The following CD1B variants were observed in gnomAD, a reference collection of about 807,000 sequenced individuals.
CD1B encodes T-cell surface glycoprotein CD1b.
In CD1B, 43 loss-of-function variants were observed where a neutral mutation model predicts 39.8. The ratio of observed to expected loss-of-function variants is 1.08; its 90% CI spans 0.85 to 1.39. The LOEUF is 1.39. CD1B is among the 40% of genes most tolerant of loss of function. CD1B has a pLI of 0.00. For missense variants in CD1B, 495 were observed against 403.8 expected (o/e 1.23, Z -1.94); for synonymous variants, 192 against 152.5 (o/e 1.26, Z -1.91).
the CD1B span, among the ~76,000 whole-genome samples, chr1:158,288,699 C>G: frequency 6.6e-6 from 1 of 152,208 alleles, no homozygotes; most frequent in Non-Finnish European, 1.5e-5. Context: ...AGCACAAATT[C>G]ATGCCCAGAT....
the CD1B span, among the ~76,000 whole-genome samples, chr1:158,300,215 CT>C: frequency 6.6e-5 from 10 of 152,284 alleles, no homozygotes; most frequent in Non-Finnish European, 1.0e-4. Flanking sequence ...CCTAGAGCAT[CT>C]TTATTTCTGC....
Position 158,330,982 on chromosome 1 carries a change from C to T in CD1B, c.142G>A (p.Gly48Ser). ...NSTWAQTQGS[G>S]WLDDLQIHGW... ...TGAATCTGCAAATCATCCAACCAGC[C>T]TGAGCCTTGAGTTTGTGCCCAGGTA... is the stretch of plus-strand genomic sequence containing the variant. Residue 48 changes from glycine to serine, a missense_variant, in exon 2 of 6, where the codon GGC becomes AGC. Physicochemically the swap from Gly to Ser is moderately conservative, Grantham distance 56. Coordinates refer to ENST00000368168, the MANE Select transcript of CD1B (RefSeq NM_001764.3). 1 of 1,614,130 alleles carries T rather than the reference C, an allele frequency of 6.2e-7. No homozygotes were observed. Among genetic ancestry groups the T allele is most frequent in the Non-Finnish European group, 8.5e-7 (1 of 1,180,004 alleles).
chr1:158,310,405 C>G, the CD1B span, among the ~76,000 whole-genome samples: 925 of 152,092 alleles, frequency 6.1e-3, 9 homozygotes, highest in African/African-American at 0.022. Flanking sequence ...GGACATAGGC[C>G]CTGGCAAGGA....
chr1:158,313,137 G>A, the CD1B span, among the ~76,000 whole-genome samples: 3 of 152,060 alleles, frequency 2.0e-5, no homozygotes, highest in Non-Finnish European at 4.4e-5. Context: ...CTATTAATGT[G>A]ATGCAGTACA....
chr1:158,298,029 C>T, the CD1B span, among the ~76,000 whole-genome samples: 1 of 150,944 alleles, frequency 6.6e-6, no homozygotes, highest in Non-Finnish European at 1.5e-5. Context: ...ACCCATAGGC[C>T]AAAACTAAAG....
At chr1:158,316,663 T>C in the CD1B span, among the ~76,000 whole-genome samples, 2 of 150,942 alleles carry the variant, frequency 1.3e-5, no homozygotes, top group Non-Finnish European at 2.9e-5. Flanking sequence ...TTCTCCTGCC[T>C]AATTGCCCTG....
At chr1:158,309,141 A>T in the CD1B span, among the ~76,000 whole-genome samples, 1 of 152,192 alleles carries the variant, frequency 6.6e-6, no homozygotes, top group Admixed American at 6.6e-5. Context: ...ACAAGAAAAA[A>T]ACAAACAACC....
the CD1B span, among the ~76,000 whole-genome samples, chr1:158,301,478 G>A: frequency 6.6e-6 from 1 of 152,082 alleles, no homozygotes; most frequent in East Asian, 1.9e-4. Flanking sequence ...TGTAAGGCAG[G>A]TCTGGTGGTG....
downstream of CD1B, among the ~76,000 whole-genome samples, chr1:158,326,019 G>T (rs1399453461): frequency 6.6e-6 from 1 of 152,116 alleles, no homozygotes; most frequent in Non-Finnish European, 1.5e-5. Flanking sequence ...GCCCAAGCTG[G>T]AGTGCAGTGG....
chr1:158,308,906 A>C, the CD1B span, among the ~76,000 whole-genome samples: 1 of 152,220 alleles, frequency 6.6e-6, no homozygotes, highest in Non-Finnish European at 1.5e-5. Flanking sequence ...AATACCATTC[A>C]GGACATAGGC....
chr1:158,311,725 T>C, the CD1B span, among the ~76,000 whole-genome samples: 5 of 152,168 alleles, frequency 3.3e-5, no homozygotes, highest in Non-Finnish European at 7.4e-5. Flanking sequence ...GGATATTCAG[T>C]TTTCCCAGCA....
the CD1B span, chr1:158,292,215 G>C: frequency 6.2e-7 from 1 of 1,614,188 alleles, no homozygotes; most frequent in Non-Finnish European, 8.5e-7. Context: ...GCCATCTCCA[G>C]GCTGTGGAAG....
the CD1B span, among the ~76,000 whole-genome samples, chr1:158,306,868 T>C: frequency 1.3e-5 from 2 of 152,120 alleles, no homozygotes; most frequent in African/African-American, 2.4e-5. Context: ...AATAAAGATG[T>C]TCTTTGAAAC....
chr1:158,310,493 G>C, the CD1B span, among the ~76,000 whole-genome samples: 2 of 152,094 alleles, frequency 1.3e-5, no homozygotes, highest in Admixed American at 1.3e-4. Context: ...AAGAGTTTCT[G>C]CACAGCAAAC....
chr1:158,307,354 G>C, the CD1B span, among the ~76,000 whole-genome samples: 1 of 151,948 alleles, frequency 6.6e-6, no homozygotes, highest in Non-Finnish European at 1.5e-5. Context: ...TAAATTCCTC[G>C]ACACGTACAC....
chr1:158,314,943 G>C, the CD1B span, among the ~76,000 whole-genome samples: 1 of 148,842 alleles, frequency 6.7e-6, no homozygotes, highest in African/African-American at 2.5e-5. Flanking sequence ...TACTGAGAAT[G>C]ATGATTTCCA....
At chr1:158,309,909 C>T in the CD1B span, among the ~76,000 whole-genome samples, 2 of 151,766 alleles carry the variant, frequency 1.3e-5, no homozygotes, top group African/African-American at 4.8e-5. Context: ...TGCAGCACAA[C>T]AACATGGCAC....
the CD1B span, among the ~76,000 whole-genome samples, chr1:158,301,959 A>C: frequency 6.6e-6 from 1 of 152,158 alleles, no homozygotes; most frequent in Non-Finnish European, 1.5e-5. Context: ...ACATAGTACC[A>C]TATATGCAGA....
Position 158,330,987 on chromosome 1 carries a change from C to A in CD1B, c.137G>T (p.Gly46Val), listed in dbSNP as rs1268988658. ...CTGCAAATCATCCAACCAGCCTGAG[C>A]CTTGAGTTTGTGCCCAGGTACTATT... ...FTNSTWAQTQ[G>V]SGWLDDLQIH... is the part of the protein sequence containing the mutation. The change falls in exon 2 of 6, where the codon GGC becomes GTC. Residue 46 changes from glycine to valine, a missense_variant. Transcript: ENST00000368168. 6.2e-7 allele frequency: 1 copy of A among 1,614,054 alleles called. No homozygotes were observed. The highest frequency in any genetic ancestry group is 1.3e-5 in the African/African-American group (1 of 74,996).
Sources: gnomAD v4.1 joint callset for allele counts (sites outside exome capture counted in the v4.1 genomes callset) on GRCh38, gnomAD v4.1.1 for gene constraint, MANE v1.5 for transcripts, NCBI Gene and HGNC (gene_info 2026-07-23, HGNC 2026-07-21) for gene names.